The following HCN1 variants were observed in gnomAD, a reference collection of about 807,000 sequenced individuals.
HCN1 encodes potassium/sodium hyperpolarization-activated cyclic nucleotide-gated channel 1.
A neutral mutation model predicts 78.9 loss-of-function variants in HCN1; 13 were observed. That is an observed-to-expected ratio of 0.16 (90% CI 0.11 to 0.26). The LOEUF is 0.26. HCN1 is among the 10% of genes least tolerant of loss of function. The pLI is 1.00. For synonymous variants in HCN1, 552 were observed against 455.5 expected, an observed-to-expected ratio of 1.21 and a Z score of -2.70; for missense variants, 810 against 1,154.3, an observed-to-expected ratio of 0.70 and a Z score of 4.32.
At chr5:45,514,404 C>A (rs1742480110) in intron 2 of HCN1, among the ~76,000 whole-genome samples, 1 of 152,126 alleles carries the variant, frequency 6.6e-6, no homozygotes, top group Non-Finnish European at 1.5e-5. Flanking sequence ...CACAATCTGG[C>A]TGTAGCCAGA....
chr5:45,695,969 G>C lies in HCN1; in HGVS notation c.125C>G (p.Pro42Arg). 1 of 1,321,712 alleles carries C rather than the reference G, an allele frequency of 7.6e-7. No homozygotes were observed. The highest frequency in any genetic ancestry group is 2.0e-5 in the South Asian group (1 of 49,292). 81.9% of individuals were successfully genotyped at this position (1,321,712 alleles called of 1,614,324 possible). A position where few individuals can be genotyped will look rare whatever the true frequency, so the allele number is the denominator to read the frequency against. ...PAAAEKRLGT[P>R]PGGGGAGAKE... ...CGCGCCGGCCCCGCCGCCCCCCGGC[G>C]GGGTGCCCAGGCGCTTCTCGGCCGC... Residue 42 changes from proline to arginine, a missense_variant, in exon 1 of 8, where the codon CCG (proline) becomes CGG (arginine). This residue lies in a region of HCN1 where 170 missense variants were observed against 166.8 expected (regional missense o/e 1.02). Coordinates refer to ENST00000303230, the MANE Select transcript of HCN1 (RefSeq NM_021072.4).
intron 2 of HCN1, among the ~76,000 whole-genome samples, chr5:45,624,621 T>C (rs1745128132): frequency 6.6e-6 from 1 of 151,974 alleles, no homozygotes; most frequent in Non-Finnish European, 1.5e-5. Context: ...TAAAGAAGAA[T>C]TGGAAGACAG....
intron 1 of HCN1, among the ~76,000 whole-genome samples, chr5:45,684,523 C>T (rs1398754871): frequency 6.6e-6 from 1 of 152,120 alleles, no homozygotes; most frequent in Non-Finnish European, 1.5e-5. Context: ...CAAAGAATGA[C>T]TATTCTATAG....
Position 45,356,208 on chromosome 5 carries a change from T to C in HCN1, c.1231-2962A>G, listed in dbSNP as rs561235771. ...ATACTATATGCAAAATATGACTTAG[T>C]ATATTTAGTAGTCACAGACAAATAG... is the stretch of plus-strand genomic sequence containing the variant. On this transcript the variant is annotated intron_variant, in intron 4 of 7. Coordinates refer to ENST00000303230, the MANE Select transcript of HCN1 (RefSeq NM_021072.4). Among the ~76,000 whole-genome samples the C allele has an allele frequency of 4.6e-5, 7 of 152,118 alleles. No homozygotes were observed. The East Asian group carries it at 5.8e-4, about 13-fold the overall frequency.
intron 2 of HCN1, among the ~76,000 whole-genome samples, chr5:45,557,404 C>T (rs1260657325): frequency 1.3e-5 from 2 of 152,098 alleles, no homozygotes; most frequent in South Asian, 2.1e-4. Context: ...CATTACTGGG[C>T]AGACAATTCA....
At chr5:45,566,681 T>G (rs1743712720) in intron 2 of HCN1, among the ~76,000 whole-genome samples, 1 of 152,048 alleles carries the variant, frequency 6.6e-6, no homozygotes, top group South Asian at 2.1e-4. Flanking sequence ...GGAGACAGAC[T>G]AAATAAAAGA....
chr5:45,454,560 T>A (rs1025259787), intron 3 of HCN1, among the ~76,000 whole-genome samples: 31 of 151,898 alleles, frequency 2.0e-4, no homozygotes, highest in African/African-American at 7.3e-4. Context: ...ATTAATATTA[T>A]CAGAATAATA....
At chr5:45,268,002 G>GA (rs1264142765) in intron 6 of HCN1, among the ~76,000 whole-genome samples, 2 of 152,212 alleles carry the variant, frequency 1.3e-5, no homozygotes, top group African/African-American at 4.8e-5. Flanking sequence ...GCAGAAAGCA[G>GA]ATGGTATAAT....
chr5:45,550,805 A>T (rs1743351623), intron 2 of HCN1, among the ~76,000 whole-genome samples: 1 of 152,030 alleles, frequency 6.6e-6, no homozygotes, highest in Non-Finnish European at 1.5e-5. Flanking sequence ...TGGTAGCAAC[A>T]ATAAAAATTC....
intron 6 of HCN1, among the ~76,000 whole-genome samples, chr5:45,269,071 T>C (rs1022438165): frequency 4.6e-5 from 7 of 152,220 alleles, no homozygotes; most frequent in African/African-American, 1.7e-4. Context: ...TACTGTGTGA[T>C]TCCATTTATG....
chr5:45,408,848 T>C (rs1443063230), intron 3 of HCN1, among the ~76,000 whole-genome samples: 1 of 152,154 alleles, frequency 6.6e-6, no homozygotes, highest in Non-Finnish European at 1.5e-5. Context: ...ACGTTGTATA[T>C]ATTTTTGTGC....
At chr5:45,376,187 AAT>A (rs1170884715) in intron 4 of HCN1, among the ~76,000 whole-genome samples, 19 of 4,900 alleles carry the variant, frequency 3.9e-3, no homozygotes, top group African/African-American at 0.013. Context: ...TATTACATAT[AAT>A]ATATATAACA....
intron 4 of HCN1, among the ~76,000 whole-genome samples, chr5:45,391,272 T>C (rs1271754790): frequency 6.6e-6 from 1 of 152,146 alleles, no homozygotes; most frequent in East Asian, 1.9e-4. Flanking sequence ...CAAAACATTT[T>C]TTATTTAAGT....
intron 6 of HCN1, among the ~76,000 whole-genome samples, chr5:45,281,923 G>C (rs571064573): frequency 6.6e-6 from 1 of 151,974 alleles, no homozygotes; most frequent in South Asian, 2.1e-4. Context: ...TATAGTATAT[G>C]TTTAGTGGAA....
rs567677455 is a variant in HCN1 at position 45,566,060 on chromosome 5, T to C, written c.849+79125A>G. ...TCATGGTTCTCTTAAATTGAGTAGTTCTATCACAGGTCAATATCATTCTCT... is the reference window on the plus strand; with the variant it reads ...TCATGGTTCTCTTAAATTGAGTAGTCCTATCACAGGTCAATATCATTCTCT... On this transcript the variant is annotated intron_variant, in intron 2 of 7. Coordinates refer to ENST00000303230, the MANE Select transcript of HCN1 (RefSeq NM_021072.4). 5.3e-5 allele frequency among the ~76,000 whole-genome samples: 8 copies of C among 152,264 alleles called. No homozygotes were observed. In the South Asian group the frequency reaches 1.4e-3, roughly 28 times the overall value.
chr5:45,430,522 T>A (rs2112076509), intron 3 of HCN1, among the ~76,000 whole-genome samples: 1 of 152,254 alleles, frequency 6.6e-6, no homozygotes, highest in East Asian at 1.9e-4. Context: ...TAGTTCCCAC[T>A]TATAAGCGAG....
At chr5:45,500,493 A>G (rs1742165896) in intron 2 of HCN1, among the ~76,000 whole-genome samples, 1 of 152,224 alleles carries the variant, frequency 6.6e-6, no homozygotes, top group Admixed American at 6.5e-5. Context: ...AATATGTGGC[A>G]TGCAAACATA....
At chr5:45,666,906 T>A (rs1391258921) in intron 1 of HCN1, among the ~76,000 whole-genome samples, 2 of 151,836 alleles carry the variant, frequency 1.3e-5, no homozygotes, top group Non-Finnish European at 2.9e-5. Flanking sequence ...TTGGAAGATA[T>A]CCAGAAAAAA....
intron 5 of HCN1, among the ~76,000 whole-genome samples, chr5:45,306,628 G>T (rs2111909655): frequency 6.6e-6 from 1 of 152,114 alleles, no homozygotes; most frequent in East Asian, 1.9e-4. Context: ...AGGATGTCTA[G>T]TATAGTAGAA....
Sources: allele counts gnomAD v4.1 joint callset (sites outside exome capture counted in the v4.1 genomes callset), GRCh38; gene constraint gnomAD v4.1.1; regional missense constraint gnomAD v4.1.1; transcripts MANE v1.5; gene names NCBI Gene and HGNC (gene_info 2026-07-23, HGNC 2026-07-21).